PTPRD: variants seen among roughly 807,000 people sequenced by gnomAD.
PTPRD encodes protein tyrosine phosphatase receptor type D, also known as receptor-type tyrosine-protein phosphatase delta.
Under a neutral mutation model 214.5 loss-of-function variants are expected in PTPRD, and 34 were observed. The ratio of observed to expected loss-of-function variants is 0.16; its 90% CI spans 0.12 to 0.21. The LOEUF (loss-of-function observed/expected upper bound fraction) is 0.21, where lower values mean the gene tolerates loss of function less well. PTPRD is among the 10% of genes least tolerant of loss of function. The pLI, the probability that PTPRD is intolerant of heterozygous loss-of-function variation, is 1.00. For synonymous variants in PTPRD, 1,128 were observed against 845.7 expected (o/e 1.33, Z -5.79); for missense variants, 2,545 against 2,398.7 (o/e 1.06, Z -1.27).
intron 10 of PTPRD, among the ~76,000 whole-genome samples, chr9:9,156,466 A>G (rs1001221479): frequency 2.0e-5 from 3 of 151,392 alleles, no homozygotes; most frequent in African/African-American, 4.8e-5. Context: ...ACTTTTATAT[A>G]AGTATATATT....
At chr9:9,520,369 G>C (rs555920701) in intron 8 of PTPRD, among the ~76,000 whole-genome samples, 1 of 150,314 alleles carries the variant, frequency 6.7e-6, no homozygotes, top group South Asian at 2.1e-4. Flanking sequence ...TGAATACTAT[G>C]ACAGAATTAT....
chr9:10,338,030 G>T (rs1429620037), intron 3 of PTPRD, among the ~76,000 whole-genome samples: 2 of 151,394 alleles, frequency 1.3e-5, no homozygotes, highest in African/African-American at 2.4e-5. Context: ...CTCCATATCA[G>T]GTATTAAAGA....
intron 44 of PTPRD, among the ~76,000 whole-genome samples, chr9:8,321,485 G>GTATATATATATA (rs1486135985): frequency 3.3e-4 from 15 of 45,378 alleles, no homozygotes; most frequent in East Asian, 5.5e-4. Context: ...GTGTGTGTGT[G>GTATATATATATA]TGTATATATA....
chr9:9,003,854 T>A (rs532060242), intron 11 of PTPRD, among the ~76,000 whole-genome samples: 1 of 152,210 alleles, frequency 6.6e-6, no homozygotes, highest in East Asian at 1.9e-4. Context: ...AAATGCCTGA[T>A]AACGTCACTA....
intron 4 of PTPRD, among the ~76,000 whole-genome samples, chr9:10,019,332 C>G (rs375254206): frequency 6.6e-6 from 1 of 152,116 alleles, no homozygotes; most frequent in African/African-American, 2.4e-5. Flanking sequence ...GTTGGTGGGA[C>G]TGTAAACTAG....
At chr9:9,651,826 GTTTTTTTTTTTTTT>G (rs869105633) in intron 7 of PTPRD, among the ~76,000 whole-genome samples, 2 of 55,082 alleles carry the variant, frequency 3.6e-5, no homozygotes, top group East Asian at 6.2e-4. Flanking sequence ...TTCAAGGTTT[GTTTTTTTTTTTTTT>G]TTTTTTTTTT....
At chr9:8,516,744 G>T (rs1343353287) in intron 21 of PTPRD, among the ~76,000 whole-genome samples, 1 of 149,466 alleles carries the variant, frequency 6.7e-6, no homozygotes, top group African/African-American at 2.5e-5. Flanking sequence ...AGGTTTAAAA[G>T]ATGCCAACAC....
At chr9:8,758,311 T>A (rs1326977342) in intron 11 of PTPRD, among the ~76,000 whole-genome samples, 1 of 152,124 alleles carries the variant, frequency 6.6e-6, no homozygotes, top group Non-Finnish European at 1.5e-5. Flanking sequence ...TCTAGATGCA[T>A]AGGAAAGAAG....
chr9:9,492,842 A>C (rs1219704061), intron 8 of PTPRD, among the ~76,000 whole-genome samples: 1 of 150,944 alleles, frequency 6.6e-6, no homozygotes, highest in Non-Finnish European at 1.5e-5. Flanking sequence ...AATTTTTGCA[A>C]TAATTTAAAC....
intron 11 of PTPRD, among the ~76,000 whole-genome samples, chr9:8,849,930 T>A (rs1471506902): frequency 2.6e-5 from 4 of 151,914 alleles, no homozygotes; most frequent in African/African-American, 9.7e-5. Flanking sequence ...CCTAAGAAGC[T>A]GCGTATGGAG....
chr9:8,825,469 T>C (rs1447937422), intron 11 of PTPRD, among the ~76,000 whole-genome samples: 2 of 152,180 alleles, frequency 1.3e-5, no homozygotes, highest in Non-Finnish European at 2.9e-5. Context: ...GAAATAAATA[T>C]GCTCTAAATT....
intron 2 of PTPRD, among the ~76,000 whole-genome samples, chr9:10,546,569 A>G (rs2060219071): frequency 6.6e-6 from 1 of 152,042 alleles, no homozygotes; most frequent in Non-Finnish European, 1.5e-5. Flanking sequence ...GAAAGAACAA[A>G]TATTGTATAA....
In PTPRD at chr9:8,506,931, T is replaced by A. The variant is rs142106047; in HGVS notation, c.1677+370A>T. The stretch of plus-strand genomic sequence containing the variant: ...CATATAGAGCTAATTTAGTCACCTG[T>A]CCCCACAGTGACTTAAATACTTTCA... On this transcript the variant is annotated intron_variant, in intron 22 of 45. Coordinates refer to ENST00000381196, the MANE Select transcript of PTPRD (RefSeq NM_002839.4). Among the ~76,000 whole-genome samples, 9 of 152,290 alleles carry A rather than the reference T, an allele frequency of 5.9e-5. No individual in the cohort carries two copies. In the East Asian group the frequency reaches 1.4e-3, roughly 23 times the overall value.
intron 3 of PTPRD, among the ~76,000 whole-genome samples, chr9:10,249,719 A>G (rs1163221166): frequency 6.6e-6 from 1 of 152,174 alleles, no homozygotes; most frequent in African/African-American, 2.4e-5. Context: ...CAATTAGACA[A>G]TATATTAATT....
chr9:9,322,066 G>A (rs761031333), intron 9 of PTPRD, among the ~76,000 whole-genome samples: 7 of 152,130 alleles, frequency 4.6e-5, no homozygotes, highest in Non-Finnish European at 8.8e-5. Flanking sequence ...GGCCTGAATA[G>A]TTAAGCAGTT....
intron 2 of PTPRD, among the ~76,000 whole-genome samples, chr9:10,526,163 A>G (rs918070339): frequency 1.3e-5 from 2 of 152,108 alleles, no homozygotes; most frequent in African/African-American, 2.4e-5. Flanking sequence ...AACACTGCCA[A>G]CTATAGGTCA....
At chr9:10,544,723 T>G (rs1267871608) in intron 2 of PTPRD, among the ~76,000 whole-genome samples, 1 of 152,168 alleles carries the variant, frequency 6.6e-6, no homozygotes, top group Non-Finnish European at 1.5e-5. Flanking sequence ...AAAAGTAGGT[T>G]TTCTTCCTAC....
chr9:10,343,290 C>T (rs1372026016), intron 2 of PTPRD, among the ~76,000 whole-genome samples: 2 of 152,058 alleles, frequency 1.3e-5, no homozygotes, highest in Non-Finnish European at 2.9e-5. Context: ...ATCCATGTCC[C>T]TGCAAAGGAC....
At chr9:9,161,428 T>C (rs767234577) in intron 10 of PTPRD, among the ~76,000 whole-genome samples, 1 of 152,156 alleles carries the variant, frequency 6.6e-6, no homozygotes, top group Admixed American at 6.6e-5. Flanking sequence ...ACTCATATTT[T>C]ATTTGCTAAA....
Sources: allele counts gnomAD v4.1 joint callset (sites outside exome capture counted in the v4.1 genomes callset), GRCh38; gene constraint gnomAD v4.1.1; transcripts MANE v1.5; gene names NCBI Gene and HGNC (gene_info 2026-07-23, HGNC 2026-07-21).